VAV3: variants seen among roughly 807,000 people sequenced by gnomAD.
VAV3 encodes guanine nucleotide exchange factor VAV3.
In VAV3, 94 loss-of-function variants were observed where a neutral mutation model predicts 131.2. The ratio of observed to expected loss-of-function variants is 0.72; its 90% CI spans 0.61 to 0.85. The LOEUF is 0.85. VAV3 is among the 40% of genes least tolerant of loss of function. VAV3 has a pLI of 0.00. For synonymous variants in VAV3, 349 were observed against 342.0 expected (o/e 1.02, Z -0.22); for missense variants, 939 against 1,002.7 (o/e 0.94, Z 0.86).
At chr1:107,773,142 T>A (rs888973654) in intron 4 of VAV3, among the ~76,000 whole-genome samples, 7 of 152,216 alleles carry the variant, frequency 4.6e-5, no homozygotes, top group Admixed American at 4.6e-4. Flanking sequence ...AATGATCAGG[T>A]GTGCATTATT....
intron 2 of VAV3, among the ~76,000 whole-genome samples, chr1:107,817,006 C>A (rs1349532764): frequency 6.6e-6 from 1 of 152,194 alleles, no homozygotes; most frequent in African/African-American, 2.4e-5. Context: ...TCACACCAAG[C>A]ACCCACAACA....
chr1:107,611,914 C>T, intron 21 of VAV3, among the ~76,000 whole-genome samples: 1 of 152,056 alleles, frequency 6.6e-6, no homozygotes, highest in East Asian at 1.9e-4. Context: ...GCACTTTCTT[C>T]TGTGTACTAT....
chr1:107,716,999 C>T (rs1172494605), intron 15 of VAV3, among the ~76,000 whole-genome samples: 1 of 152,166 alleles, frequency 6.6e-6, no homozygotes, highest in Non-Finnish European at 1.5e-5. Context: ...TTATCCATTT[C>T]TTCTAGATTT....
chr1:107,919,845 G>A (rs1672806367), intron 1 of VAV3, among the ~76,000 whole-genome samples: 1 of 151,712 alleles, frequency 6.6e-6, no homozygotes. Flanking sequence ...TTAAAGAAAA[G>A]AATCAATGTC....
At chr1:107,641,099 T>C (rs184968056) in intron 20 of VAV3, among the ~76,000 whole-genome samples, 4 of 152,294 alleles carry the variant, frequency 2.6e-5, no homozygotes, top group African/African-American at 7.2e-5. Flanking sequence ...TTCTCTCTTT[T>C]CTTTTTCTGG....
At chr1:107,753,345 G>A (rs1663854880) in intron 12 of VAV3, among the ~76,000 whole-genome samples, 1 of 151,584 alleles carries the variant, frequency 6.6e-6, no homozygotes, top group Non-Finnish European at 1.5e-5. Context: ...TGAGTACAGA[G>A]TTTCAGTTTT....
At chr1:107,694,203 A>C (rs1230653275) in intron 17 of VAV3, among the ~76,000 whole-genome samples, 1 of 152,246 alleles carries the variant, frequency 6.6e-6, no homozygotes, top group Non-Finnish European at 1.5e-5. Context: ...AATTTAATTC[A>C]GGCTACCATT....
chr1:107,837,306 C>G (rs1668520026), intron 2 of VAV3, among the ~76,000 whole-genome samples: 1 of 152,056 alleles, frequency 6.6e-6, no homozygotes, highest in Admixed American at 6.6e-5. Flanking sequence ...ATAAATAGAA[C>G]TAAAATCAAA....
At chr1:107,580,419 TA>T (rs1195646596) in intron 25 of VAV3, among the ~76,000 whole-genome samples, 3 of 152,162 alleles carry the variant, frequency 2.0e-5, no homozygotes, top group African/African-American at 7.2e-5. Flanking sequence ...AAATAACTAT[TA>T]TTTTTTTTTT....
At chr1:107,638,395 GAAC>G (rs1293429322) in intron 20 of VAV3, among the ~76,000 whole-genome samples, 3 of 151,932 alleles carry the variant, frequency 2.0e-5, no homozygotes, top group African/African-American at 7.3e-5. Flanking sequence ...ATCTCACAAT[GAAC>G]AACATAAATT....
chr1:107,749,044 C>T lies in VAV3; in HGVS notation c.1426G>A (p.Gly476Arg). ...CAATAAAATTCTAACCCATTTTGTC[C>T]TTGGGTATGGATGAGGTAGAAGCCA... is the stretch of plus-strand genomic sequence containing the variant. Reference protein sequence around the residue: ...SYGFYLIHTQGQNGLEFYCKT... With the variant: ...SYGFYLIHTQRQNGLEFYCKT... Residue 476 changes from glycine (G) to arginine (R), a missense_variant, in exon 15 of 27, where the codon GGA becomes AGA. Coordinates refer to ENST00000370056, the MANE Select transcript of VAV3 (RefSeq NM_006113.5). 1.9e-6 allele frequency: 3 copies of T among 1,611,618 alleles called. No individual in the cohort carries two copies. The highest frequency in any genetic ancestry group is 2.5e-6 in the Non-Finnish European group (3 of 1,178,938).
chr1:107,818,018 C>A (rs1461436358), intron 2 of VAV3, among the ~76,000 whole-genome samples: 1 of 152,128 alleles, frequency 6.6e-6, no homozygotes, highest in Non-Finnish European at 1.5e-5. Flanking sequence ...GAACAAACAC[C>A]AGGGAGCACA....
rs201592799 is a variant in VAV3, at chr1:107,843,553, A to T, written c.321+31348T>A. On this transcript the variant is annotated intron_variant, in intron 2 of 26. Coordinates refer to ENST00000370056, the MANE Select transcript of VAV3 (RefSeq NM_006113.5). ...TGTGTGTGTGTATATATATATATTT[A>T]TATATATATATATGAGGAAGGTGGT... Among the ~76,000 whole-genome samples, 878 of 142,488 alleles carry T rather than the reference A, an allele frequency of 6.2e-3. 5 individuals carry two copies. Among genetic ancestry groups the T allele is most frequent in the Middle Eastern group, 0.014 (4 of 276 alleles). The allele number at this position is 142,488 out of a possible 152,430, so 93.5% of individuals were successfully genotyped here. A position where few individuals can be genotyped will look rare whatever the true frequency, so the allele number is the denominator to read the frequency against.
At position 107,749,124 on chromosome 1, in the gene VAV3, T is replaced by C. The variant is rs553183323; in HGVS notation, c.1393-47A>G. Reference sequence around the variant, plus strand: ...AGATTAATATGTATCATTAATAACATGTTTCTAAATTCACAAGAATACCAC... The same window carrying C: ...AGATTAATATGTATCATTAATAACACGTTTCTAAATTCACAAGAATACCAC... On this transcript the variant is annotated intron_variant, in intron 14 of 26. Transcript: ENST00000370056. 9 of 1,318,870 alleles carry C rather than the reference T, an allele frequency of 6.8e-6. No individual in the cohort carries two copies. In the East Asian group the frequency reaches 9.7e-5, roughly 14 times the overall value. 81.7% of individuals were successfully genotyped at this position (1,318,870 alleles called of 1,614,324 possible).
At chr1:107,580,045 T>C (rs1487143904) in intron 25 of VAV3, among the ~76,000 whole-genome samples, 5 of 152,222 alleles carry the variant, frequency 3.3e-5, no homozygotes, top group Non-Finnish European at 7.3e-5. Flanking sequence ...CTGGTAGGCA[T>C]TGCATCATGG....
At chr1:107,935,615 G>A (rs534267355) in intron 1 of VAV3, among the ~76,000 whole-genome samples, 2 of 152,194 alleles carry the variant, frequency 1.3e-5, no homozygotes, top group Non-Finnish European at 2.9e-5. Flanking sequence ...TTACAGAAAT[G>A]AGTAAGAAAC....
intron 12 of VAV3, among the ~76,000 whole-genome samples, chr1:107,752,204 G>T (rs1663775830): frequency 6.6e-6 from 1 of 152,170 alleles, no homozygotes; most frequent in African/African-American, 2.4e-5. Context: ...ATGGTCAAAT[G>T]ATTTCCAACA....
chr1:107,625,235 T>C (rs370031265), intron 20 of VAV3, among the ~76,000 whole-genome samples: 37 of 150,390 alleles, frequency 2.5e-4, no homozygotes, highest in East Asian at 2.0e-3. Context: ...TTAGGGATGA[T>C]GTGTGTCAGT....
At chr1:107,923,730 A>T (rs1156697007) in intron 1 of VAV3, among the ~76,000 whole-genome samples, 1 of 152,178 alleles carries the variant, frequency 6.6e-6, no homozygotes, top group Non-Finnish European at 1.5e-5. Context: ...AGCATGGGTG[A>T]AACTGCCCCA....
Sources: allele counts gnomAD v4.1 joint callset (sites outside exome capture counted in the v4.1 genomes callset), GRCh38; gene constraint gnomAD v4.1.1; transcripts MANE v1.5; gene names NCBI Gene and HGNC (gene_info 2026-07-23, HGNC 2026-07-21).